Variants in SDK1 observed in about 807,000 individuals in gnomAD.
SDK1 encodes sidekick cell adhesion molecule 1.
Under a neutral mutation model 245.5 loss-of-function variants are expected in SDK1, and 157 were observed. The ratio of observed to expected loss-of-function variants is 0.64; its 90% CI spans 0.56 to 0.73. The LOEUF (loss-of-function observed/expected upper bound fraction) is 0.73, where lower values mean the gene tolerates loss of function less well. Ranked by LOEUF, SDK1 falls within the 30% of genes least tolerant of loss-of-function variation. The pLI is 0.00. For synonymous variants in SDK1, 1,647 were observed against 1,278.5 expected, an observed-to-expected ratio of 1.29 and a Z score of -6.15; for missense variants, 3,583 against 3,002.3, an observed-to-expected ratio of 1.19 and a Z score of -4.52.
intron 1 of SDK1, among the ~76,000 whole-genome samples, chr7:3,325,833 C>G (rs1562415423): frequency 6.6e-6 from 1 of 152,082 alleles, no homozygotes; most frequent in African/African-American, 2.4e-5. Flanking sequence ...GCAGAAAAAT[C>G]TTAACAGGTT....
chr7:3,606,924 A>G (rs1192476346), intron 1 of SDK1, among the ~76,000 whole-genome samples: 2 of 152,200 alleles, frequency 1.3e-5, no homozygotes, highest in East Asian at 3.8e-4. Flanking sequence ...AAAAAGTGTT[A>G]TGTACAAACC....
chr7:3,425,953 C>T (rs1462275884), intron 1 of SDK1, among the ~76,000 whole-genome samples: 1 of 152,216 alleles, frequency 6.6e-6, no homozygotes, highest in East Asian at 1.9e-4. Flanking sequence ...TTCATCTACA[C>T]TATCTTCCCC....
At chr7:3,968,787 T>C (rs1468184090) in intron 10 of SDK1, among the ~76,000 whole-genome samples, 1 of 152,206 alleles carries the variant, frequency 6.6e-6, no homozygotes, top group Non-Finnish European at 1.5e-5. Flanking sequence ...TTTCACTTTA[T>C]TCTGATTATT....
At chr7:3,593,521 C>G (rs1780954710) in intron 1 of SDK1, among the ~76,000 whole-genome samples, 1 of 152,184 alleles carries the variant, frequency 6.6e-6, no homozygotes, top group Non-Finnish European at 1.5e-5. Flanking sequence ...ACTTTGAAGA[C>G]AGCTTCTCAA....
At chr7:3,761,564 A>AT (rs1477125994) in intron 4 of SDK1, among the ~76,000 whole-genome samples, 26 of 151,318 alleles carry the variant, frequency 1.7e-4, no homozygotes, top group Admixed American at 1.3e-3. Flanking sequence ...AAAAAAAAAA[A>AT]AAATAATAAT....
chr7:3,426,729 C>G (rs6462068), intron 1 of SDK1, among the ~76,000 whole-genome samples: 115,227 of 152,218 alleles, frequency 0.76, 43,913 homozygotes, highest in African/African-American at 0.84. Flanking sequence ...CCTTAGTGTA[C>G]AGACTTTTTA....
At chr7:4,258,156 C>T (rs1222875321) in intron 44 of SDK1, among the ~76,000 whole-genome samples, 1 of 152,192 alleles carries the variant, frequency 6.6e-6, no homozygotes, top group African/African-American at 2.4e-5. Context: ...TATATACAAG[C>T]CGTGAAGGAA....
chr7:4,112,925 T>C (rs1266072536), intron 23 of SDK1, among the ~76,000 whole-genome samples: 2 of 152,078 alleles, frequency 1.3e-5, no homozygotes, highest in South Asian at 2.1e-4. Context: ...GGCTAATTTT[T>C]GTATTTTTAG....
intron 4 of SDK1, among the ~76,000 whole-genome samples, chr7:3,710,764 C>G (rs1284199751): frequency 6.6e-6 from 1 of 152,200 alleles, no homozygotes; most frequent in Non-Finnish European, 1.5e-5. Flanking sequence ...ATCTTGGCAG[C>G]CAACCTCCGT....
At position 3,518,554 on chromosome 7, in the gene SDK1, T is replaced by C. The variant is rs78533868; in HGVS notation, c.299-100526T>C. Among the ~76,000 whole-genome samples the C allele has an allele frequency of 2.7e-3, 417 of 151,652 alleles. 3 individuals carry two copies. The highest frequency in any genetic ancestry group is 9.5e-3 in the African/African-American group (395 of 41,372). On this transcript the variant is annotated intron_variant, in intron 1 of 44. Transcript: ENST00000404826. ...CACACATTTCTCAAAATAATACATA[T>C]ACATGAGCAACAAATATATGAAAAG...
intron 17 of SDK1, among the ~76,000 whole-genome samples, chr7:4,048,386 A>G (rs946827614): frequency 2.0e-5 from 3 of 152,046 alleles, no homozygotes; most frequent in African/African-American, 7.2e-5. Context: ...GAAGGCCTTC[A>G]GTTCCCCATT....
At chr7:3,572,329 C>T (rs770724032) in intron 1 of SDK1, among the ~76,000 whole-genome samples, 4 of 151,946 alleles carry the variant, frequency 2.6e-5, no homozygotes, top group African/African-American at 9.7e-5. Context: ...TAGGCAAAAA[C>T]GCCTCAGTGA....
At chr7:4,161,352 A>G (rs759820069) in intron 31 of SDK1, among the ~76,000 whole-genome samples, 54 of 152,178 alleles carry the variant, frequency 3.5e-4, no homozygotes, top group Admixed American at 6.5e-5. Context: ...TAGTGTTTCA[A>G]ACCAAGTGAC....
chr7:3,521,276 G>T (rs915523109), intron 1 of SDK1, among the ~76,000 whole-genome samples: 2 of 152,146 alleles, frequency 1.3e-5, no homozygotes, highest in African/African-American at 4.8e-5. Flanking sequence ...CATGTGATTA[G>T]ATTGGGGCCA....
At chr7:4,255,541 C>T (rs961312032) in intron 44 of SDK1, among the ~76,000 whole-genome samples, 5 of 152,160 alleles carry the variant, frequency 3.3e-5, no homozygotes, top group Non-Finnish European at 4.4e-5. Context: ...GTATTCTTGG[C>T]GTACCATACC....
At chr7:4,225,159 G>C (rs540380124) in intron 40 of SDK1, among the ~76,000 whole-genome samples, 1 of 151,984 alleles carries the variant, frequency 6.6e-6, no homozygotes, top group Non-Finnish European at 1.5e-5. Flanking sequence ...TCTGGATCTC[G>C]ACCGCATCCC....
At chr7:3,483,799 A>C (rs908693211) in intron 1 of SDK1, among the ~76,000 whole-genome samples, 3 of 152,178 alleles carry the variant, frequency 2.0e-5, no homozygotes, top group Non-Finnish European at 2.9e-5. Flanking sequence ...CCTTTAATAC[A>C]TGACTATAGT....
chr7:3,636,560 A>G (rs892890000), intron 2 of SDK1, among the ~76,000 whole-genome samples: 1 of 152,190 alleles, frequency 6.6e-6, no homozygotes, highest in Non-Finnish European at 1.5e-5. Flanking sequence ...AAGACTGAAT[A>G]ATATTCCATC....
intron 1 of SDK1, among the ~76,000 whole-genome samples, chr7:3,390,675 A>G (rs1188894569): frequency 6.6e-6 from 1 of 152,152 alleles, no homozygotes; most frequent in Non-Finnish European, 1.5e-5. Context: ...AGACGCAGAT[A>G]TTGGAGTTAT....
Sources: allele counts gnomAD v4.1 joint callset (sites outside exome capture counted in the v4.1 genomes callset), GRCh38; gene constraint gnomAD v4.1.1; transcripts MANE v1.5; gene names NCBI Gene and HGNC (gene_info 2026-07-23, HGNC 2026-07-21).